The following USP7 variants were observed in gnomAD, a reference collection of about 807,000 sequenced individuals.
USP7 encodes ubiquitin C-terminal hydrolase 7.
Under a neutral mutation model 162.9 loss-of-function variants are expected in USP7, and 9 were observed. The observed-to-expected ratio is 0.06, with a 90% CI of 0.03 to 0.10. The LOEUF (loss-of-function observed/expected upper bound fraction) is 0.10. USP7 is among the 10% of genes least tolerant of loss of function. USP7 has a pLI of 1.00. For synonymous variants in USP7, 562 were observed against 475.9 expected (o/e 1.18, Z -2.35); for missense variants, 715 against 1,373.7 (o/e 0.52, Z 7.58).
chr16:8,948,638 G>T (rs1159537937), intron 1 of USP7, among the ~76,000 whole-genome samples: 1 of 152,150 alleles, frequency 6.6e-6, no homozygotes, highest in Non-Finnish European at 1.5e-5. Context: ...CCACACGATG[G>T]AATATTATTC....
chr16:8,961,067 C>T (rs747965861), intron 1 of USP7, among the ~76,000 whole-genome samples: 1 of 152,166 alleles, frequency 6.6e-6, no homozygotes. Flanking sequence ...GATTAACTGT[C>T]CTAGGGGTTA....
rs1055386985 is a variant in USP7 at position 8,892,215 on chromosome 16, A to C, written c.*1783T>G. 1.3e-5 allele frequency: 2 copies of C among 152,264 alleles called. No homozygotes were observed. Among genetic ancestry groups the C allele is most frequent in the Non-Finnish European group, 2.9e-5 (2 of 68,070 alleles). The allele number at this position is 152,264 out of a possible 1,614,324, so 9.4% of individuals were successfully genotyped here. On this transcript the variant is annotated 3_prime_UTR_variant, in exon 31 of 31. Coordinates refer to ENST00000344836, the MANE Select transcript of USP7 (RefSeq NM_003470.3). ...ACACCTTAATGTTTGTTCAAAGACA[A>C]ACCCACAGCGAACGGCTCTCGCACC...
intron 15 of USP7, 78 bp from the exon 16 acceptor site, chr16:8,903,480 T>C: frequency 6.9e-7 from 1 of 1,449,604 alleles, no homozygotes; most frequent in Non-Finnish European, 9.2e-7. Flanking sequence ...ATTTAAACAC[T>C]AAAACGCTGA....
At chr16:8,941,565 C>T (rs893338718) in intron 1 of USP7, among the ~76,000 whole-genome samples, 8 of 152,226 alleles carry the variant, frequency 5.3e-5, no homozygotes, top group Admixed American at 1.3e-4. Flanking sequence ...TTTTTGTCCA[C>T]GCACGATAGC....
chr16:8,942,999 G>A (rs1181404893), intron 1 of USP7, among the ~76,000 whole-genome samples: 4 of 152,116 alleles, frequency 2.6e-5, no homozygotes, highest in Non-Finnish European at 4.4e-5. Context: ...GAGGTCAGCC[G>A]ACCACCTGGC....
At chr16:8,940,250 G>A (rs1596404110) in intron 1 of USP7, among the ~76,000 whole-genome samples, 1 of 152,150 alleles carries the variant, frequency 6.6e-6, no homozygotes, top group African/African-American at 2.4e-5. Flanking sequence ...CTACAGCCAG[G>A]TCATATACAC....
At chr16:8,942,492 C>T (rs537464409) in intron 1 of USP7, among the ~76,000 whole-genome samples, 7 of 152,328 alleles carry the variant, frequency 4.6e-5, no homozygotes, top group African/African-American at 1.7e-4. Context: ...TACTCTAAAA[C>T]GGGGGCCCTC....
Position 8,893,897 on chromosome 16 carries a change from T to C in USP7, c.*101A>G, listed in dbSNP as rs1359499184. 2 of 1,027,370 alleles carry C rather than the reference T, an allele frequency of 1.9e-6. No homozygotes were observed. The highest frequency in any genetic ancestry group is 4.8e-5 in the East Asian group (2 of 41,798). 63.6% of individuals were successfully genotyped at this position (1,027,370 alleles called of 1,614,324 possible). ...TAAAATTAACACCAGCAGCGAATCCTCTTGCTGAAGACTTCGGCTAGAGGG... is the reference window on the plus strand; with the variant it reads ...TAAAATTAACACCAGCAGCGAATCCCCTTGCTGAAGACTTCGGCTAGAGGG... On this transcript the variant is annotated 3_prime_UTR_variant, in exon 31 of 31. Coordinates refer to ENST00000344836, the MANE Select transcript of USP7 (RefSeq NM_003470.3).
chr16:8,898,739 G>A (rs908252868), intron 23 of USP7, 100 bp from the exon 24 acceptor site: 5 of 990,842 alleles, frequency 5.0e-6, no homozygotes, highest in African/African-American at 4.9e-5. Flanking sequence ...CTTACACCTG[G>A]TCTTGAAATT....
chr16:8,897,237 C>T, intron 25 of USP7, 138 bp from the exon 26 acceptor site: 2 of 664,972 alleles, frequency 3.0e-6, no homozygotes, highest in South Asian at 3.6e-5. Context: ...TCATTCCCAC[C>T]CCAACTCCCT....
intron 1 of USP7, among the ~76,000 whole-genome samples, chr16:8,961,503 A>AG (rs1567252630): frequency 0.018 from 1,042 of 58,468 alleles, 28 homozygotes; most frequent in East Asian, 0.032. Flanking sequence ...AAAAAAAAAA[A>AG]AGGGGGGGGG....
In USP7 at chr16:8,902,508, A is replaced by C. The variant is rs771783810; in HGVS notation, c.1840-26T>G. ...CTGAAAAAAATATTAAGAGTAGATT[A>C]AAATAAAAACACGCTCATATTTTAG... is the stretch of plus-strand genomic sequence containing the variant. On this transcript the variant is annotated intron_variant, in intron 16 of 30. Transcript: ENST00000344836. The C allele has an allele frequency of 8.7e-6, 14 of 1,603,154 alleles. No homozygotes were observed. In the Admixed American group the frequency reaches 2.4e-4, roughly 27 times the overall value.
intron 27 of USP7, 26 bp from the exon 28 acceptor site, chr16:8,895,176 T>C: frequency 1.2e-6 from 2 of 1,614,148 alleles, no homozygotes; most frequent in Non-Finnish European, 8.5e-7. Context: ...ACAGACACAG[T>C]TCTGTAAGTG....
Position 8,935,356 on chromosome 16 carries a change from C to T in USP7, c.80-4959G>A, listed in dbSNP as rs186151824. On this transcript the variant is annotated intron_variant, in intron 1 of 30. Transcript: ENST00000344836. ...TCCTGAGTAGCTGGGATTACAGGCA[C>T]CTGCCATCATGCCCAGCTAATTTGT... is the stretch of plus-strand genomic sequence containing the variant. Among the ~76,000 whole-genome samples, 232 of 152,164 alleles carry T rather than the reference C, an allele frequency of 1.5e-3. 2 individuals are homozygous for T. The highest frequency in any genetic ancestry group is 0.014 in the Middle Eastern group (4 of 294).
intron 11 of USP7, among the ~76,000 whole-genome samples, chr16:8,909,590 T>C (rs2061912008): frequency 6.6e-6 from 1 of 152,202 alleles, no homozygotes; most frequent in Admixed American, 6.5e-5. Context: ...GTAATTCTCG[T>C]CAACAGACCA....
Position 8,902,256 on chromosome 16 carries a change from TC to T in USP7, c.1942-70del, listed in dbSNP as rs1183321119. On this transcript the variant is annotated intron_variant, in intron 17 of 30. Transcript: ENST00000344836. ...TAGGTGACAGAGCGAAAAACTACAG[TC>T]AAGTATTGAAGAAAACGTCCAATTC... is the stretch of plus-strand genomic sequence containing the variant. The T allele has an allele frequency of 4.0e-5, 63 of 1,586,760 alleles. 1 individual carries two copies. Among genetic ancestry groups the T allele is most frequent in the Non-Finnish European group, 5.2e-5 (60 of 1,160,282 alleles).
At chr16:8,895,544 C>A in intron 27 of USP7, 98 bp downstream of exon 27, 1 of 1,045,836 alleles carries the variant, frequency 9.6e-7, no homozygotes, top group East Asian at 2.4e-5. Context: ...TATAAAAACA[C>A]AAATCAAGCT....
intron 2 of USP7, among the ~76,000 whole-genome samples, chr16:8,927,306 GAAAAAAAGAAAAAGAAAA>G (rs1898064326): frequency 7.3e-6 from 1 of 137,524 alleles, no homozygotes; most frequent in Non-Finnish European, 1.6e-5. Flanking sequence ...TGGCCAAAAA[GAAAAAAAGAAAAAGAAAA>G]AAAAAAAGAA....
intron 25 of USP7, 52 bp downstream of exon 25, chr16:8,898,308 C>A: frequency 7.0e-7 from 1 of 1,419,630 alleles, no homozygotes; most frequent in South Asian, 1.2e-5. Flanking sequence ...CAGGTAGAAA[C>A]AATAAGCAAG....
Sources: gnomAD v4.1 joint callset for allele counts (sites outside exome capture counted in the v4.1 genomes callset) on GRCh38, gnomAD v4.1.1 for gene constraint, MANE v1.5 for transcripts, NCBI Gene and HGNC (gene_info 2026-07-23, HGNC 2026-07-21) for gene names.